FAAH2: variants seen among roughly 807,000 people sequenced by gnomAD.
The protein encoded by FAAH2 is fatty-acid amide hydrolase 2.
A neutral mutation model predicts 36.9 loss-of-function variants in FAAH2; 60 were observed. That is an observed-to-expected ratio of 1.63 (90% CI 1.32 to 2.02). The LOEUF is 2.02. Ranked by LOEUF, FAAH2 falls within the 30% of genes most tolerant of loss-of-function variation. FAAH2 has a pLI of 0.00. For synonymous variants in FAAH2, 214 were observed against 143.8 expected, an observed-to-expected ratio of 1.49 and a Z score of -3.49; for missense variants, 689 against 397.5, an observed-to-expected ratio of 1.73 and a Z score of -6.23.
chrX:57,332,985 G>A (rs751009059), intron 4 of FAAH2, among the ~76,000 whole-genome samples: 1 of 111,530 alleles, frequency 9.0e-6, no homozygotes, highest in East Asian at 2.8e-4. Context: ...GAATAAAATT[G>A]GGAAGCACAT....
chrX:57,429,454 T>C (rs1282418296), intron 7 of FAAH2, among the ~76,000 whole-genome samples: 2 of 111,461 alleles, frequency 1.8e-5, no homozygotes, highest in Non-Finnish European at 3.8e-5. Context: ...ACATTATTAA[T>C]CAATGAAATG....
At chrX:57,304,979 A>G (rs1303841999) in intron 2 of FAAH2, among the ~76,000 whole-genome samples, 2 of 111,719 alleles carry the variant, frequency 1.8e-5, no homozygotes, top group African/African-American at 6.5e-5. Context: ...TGGCTTCTAG[A>G]CAGTGCTCTT....
At chrX:57,457,825 A>T (rs774946543) in intron 10 of FAAH2, among the ~76,000 whole-genome samples, 2 of 111,620 alleles carry the variant, frequency 1.8e-5, no homozygotes, top group South Asian at 3.7e-4. Context: ...AAAATATTTC[A>T]TGCTCATATA....
At chrX:57,240,287 G>C in the FAAH2 span, among the ~76,000 whole-genome samples, 1 of 111,256 alleles carries the variant, frequency 9.0e-6, no homozygotes, top group Non-Finnish European at 1.9e-5. Context: ...AGATGATTCA[G>C]GGGGCCAACA....
At chrX:57,276,165 A>T in the FAAH2 span, among the ~76,000 whole-genome samples, 1 of 112,088 alleles carries the variant, frequency 8.9e-6, no homozygotes, top group Non-Finnish European at 1.9e-5. Flanking sequence ...ATGACCACAT[A>T]ATTGGAAGTA....
At chrX:57,297,327 C>G (rs1388900893) in intron 2 of FAAH2, among the ~76,000 whole-genome samples, 1 of 108,370 alleles carries the variant, frequency 9.2e-6, no homozygotes. Flanking sequence ...TAACTTTCAA[C>G]CCAGCATTTC....
chrX:57,462,539 G>A (rs961545244), intron 10 of FAAH2, among the ~76,000 whole-genome samples: 1 of 111,870 alleles, frequency 8.9e-6, no homozygotes, highest in Non-Finnish European at 1.9e-5. Flanking sequence ...ATCACATAAA[G>A]AGAACCAGTG....
chrX:57,440,229 A>G (rs1361298043), intron 8 of FAAH2, among the ~76,000 whole-genome samples: 4 of 111,760 alleles, frequency 3.6e-5, no homozygotes, highest in Non-Finnish European at 1.9e-5. Context: ...CTTCCTATCC[A>G]TGAGCATGGA....
chrX:57,456,545 A>C (rs903529177), intron 10 of FAAH2, among the ~76,000 whole-genome samples: 1 of 112,200 alleles, frequency 8.9e-6, no homozygotes, highest in Non-Finnish European at 1.9e-5. Flanking sequence ...ACCATTAGCT[A>C]AACTAACAAG....
At chrX:57,282,672 TG>T (rs1322524457), upstream of FAAH2, among the ~76,000 whole-genome samples, 1 of 112,196 alleles carries the variant, frequency 8.9e-6, no homozygotes, top group African/African-American at 3.2e-5. Flanking sequence ...TTGGTTTCAC[TG>T]GGGGATATAT....
At chrX:57,163,779 T>C in the FAAH2 span, among the ~76,000 whole-genome samples, 16 of 112,360 alleles carry the variant, frequency 1.4e-4, no homozygotes, top group African/African-American at 4.8e-4. Context: ...CCTAGTGAGA[T>C]GAACCCGGTA....
chrX:57,132,528 A>G, the FAAH2 span, among the ~76,000 whole-genome samples: 1 of 112,302 alleles, frequency 8.9e-6, no homozygotes, highest in Non-Finnish European at 1.9e-5. Context: ...CTTCCACTGC[A>G]CAGCGTTATC....
rs2057468228 is a variant in FAAH2, at chrX:57,486,050, G to C, written c.1424-2707G>C. 1.8e-5 allele frequency among the ~76,000 whole-genome samples: 2 copies of C among 111,577 alleles called. 1 individual carries two copies. The highest frequency in any genetic ancestry group is 5.7e-4 in the East Asian group (2 of 3,536). ...TGTAGTCTGATGAGACAACTAGCTG[G>C]GTTTTAATTTGGCAGTGCTGATGGC... On this transcript the variant is annotated intron_variant, in intron 10 of 10. Coordinates refer to ENST00000374900, the MANE Select transcript of FAAH2 (RefSeq NM_174912.4).
intron 10 of FAAH2, among the ~76,000 whole-genome samples, chrX:57,464,012 A>G (rs2057006038): frequency 8.9e-6 from 1 of 112,263 alleles, no homozygotes; most frequent in African/African-American, 3.2e-5. Context: ...CCAAATGCCC[A>G]TCAATGATAG....
At chrX:57,228,306 C>G in the FAAH2 span, among the ~76,000 whole-genome samples, 2 of 111,341 alleles carry the variant, frequency 1.8e-5, no homozygotes, top group South Asian at 7.7e-4. Context: ...CCAGCGAGCT[C>G]CCAGTGCCTT....
chrX:57,233,133 G>A, the FAAH2 span, among the ~76,000 whole-genome samples: 1 of 111,895 alleles, frequency 8.9e-6, no homozygotes, highest in South Asian at 3.7e-4. Flanking sequence ...CTTATGAGGA[G>A]TAGCTAGCCA....
the FAAH2 span, among the ~76,000 whole-genome samples, chrX:57,262,337 G>A: frequency 1.8e-5 from 2 of 111,301 alleles, no homozygotes; most frequent in Admixed American, 1.9e-4. Context: ...AAATTTCTCT[G>A]CAAAGATAGG....
chrX:57,233,216 C>T, the FAAH2 span, among the ~76,000 whole-genome samples: 2 of 111,365 alleles, frequency 1.8e-5, no homozygotes, highest in African/African-American at 6.5e-5. Context: ...CTGGTGGTCA[C>T]GTGATAGATA....
chrX:57,400,613 GA>G (rs1406412706), intron 7 of FAAH2, among the ~76,000 whole-genome samples: 3 of 112,072 alleles, frequency 2.7e-5, no homozygotes, highest in Non-Finnish European at 5.6e-5. Context: ...CTGTACCTGG[GA>G]ATCCATGTTT....
Sources: gnomAD v4.1 joint callset for allele counts (sites outside exome capture counted in the v4.1 genomes callset) on GRCh38, gnomAD v4.1.1 for gene constraint, MANE v1.5 for transcripts, NCBI Gene and HGNC (gene_info 2026-07-23, HGNC 2026-07-21) for gene names.